Variants in HS3ST4 observed in about 807,000 individuals in gnomAD.
HS3ST4 encodes heparan sulfate glucosamine 3-O-sulfotransferase 4.
In HS3ST4, 17 loss-of-function variants were observed where a neutral mutation model predicts 29.2. That is an observed-to-expected ratio of 0.58 (90% CI 0.40 to 0.87). HS3ST4 has a LOEUF of 0.87. HS3ST4 is among the 40% of genes least tolerant of loss of function. The pLI is 0.00. For missense variants in HS3ST4, 627 were observed against 634.5 expected, an observed-to-expected ratio of 0.99 and a Z score of 0.13; for synonymous variants, 314 against 285.7, an observed-to-expected ratio of 1.10 and a Z score of -1.00.
intron 1 of HS3ST4, among the ~76,000 whole-genome samples, chr16:25,901,523 T>C (rs778869996): frequency 3.3e-5 from 5 of 152,104 alleles, no homozygotes; most frequent in Admixed American, 3.3e-4. Context: ...ATGCAAAAAT[T>C]AGCCAGGCGT....
intron 1 of HS3ST4, among the ~76,000 whole-genome samples, chr16:25,868,558 A>T (rs1262072860): frequency 1.3e-5 from 2 of 152,230 alleles, no homozygotes; most frequent in Non-Finnish European, 2.9e-5. Context: ...AGAAGAAAAT[A>T]TTGTGTAAAC....
chr16:25,827,058 A>G (rs1233495396), intron 1 of HS3ST4, among the ~76,000 whole-genome samples: 1 of 152,222 alleles, frequency 6.6e-6, no homozygotes, highest in East Asian at 1.9e-4. Flanking sequence ...AGAAAATGGA[A>G]GTTAATAAGA....
At chr16:25,853,721 T>A (rs1347850893) in intron 1 of HS3ST4, among the ~76,000 whole-genome samples, 1 of 152,234 alleles carries the variant, frequency 6.6e-6, no homozygotes, top group African/African-American at 2.4e-5. Context: ...AAATCCCACT[T>A]CATCATGGTT....
chr16:25,806,468 A>G (rs1966992542), intron 1 of HS3ST4, among the ~76,000 whole-genome samples: 1 of 152,182 alleles, frequency 6.6e-6, no homozygotes, highest in African/African-American at 2.4e-5. Context: ...AGTGGGAGTT[A>G]CATCCACCAA....
chr16:25,885,626 T>G (rs1399118511), intron 1 of HS3ST4, among the ~76,000 whole-genome samples: 1 of 152,144 alleles, frequency 6.6e-6, no homozygotes, highest in African/African-American at 2.4e-5. Context: ...ATTCATTTGA[T>G]GGTCACCTTC....
chr16:26,120,371 A>G (rs185075669), intron 1 of HS3ST4, among the ~76,000 whole-genome samples: 1 of 152,330 alleles, frequency 6.6e-6, no homozygotes, highest in Non-Finnish European at 1.5e-5. Context: ...TACATCATTA[A>G]AGCTGAAGCT....
At chr16:25,736,944 G>A (rs1187730317) in intron 1 of HS3ST4, among the ~76,000 whole-genome samples, 1 of 152,090 alleles carries the variant, frequency 6.6e-6, no homozygotes. Context: ...CACTTCCTGG[G>A]TTCAAGGGAT....
At position 25,756,506 on chromosome 16, in the gene HS3ST4, T is replaced by C. The variant is rs60289480; in HGVS notation, c.734+63355T>C. On this transcript the variant is annotated intron_variant, in intron 1 of 1. Transcript: ENST00000331351. Reference sequence around the variant, plus strand: ...CAAGGGCAAGACTGACAATTTAGACTGTGCATGAAAGTGATGAATCACATG... The same window carrying C: ...CAAGGGCAAGACTGACAATTTAGACCGTGCATGAAAGTGATGAATCACATG... Among the ~76,000 whole-genome samples, 993 of 152,298 alleles carry C rather than the reference T, an allele frequency of 6.5e-3. 11 individuals are homozygous for C. The highest frequency in any genetic ancestry group is 0.023 in the African/African-American group (944 of 41,570).
intron 1 of HS3ST4, among the ~76,000 whole-genome samples, chr16:26,101,187 AC>A (rs2141796696): frequency 6.6e-6 from 1 of 151,124 alleles, no homozygotes; most frequent in South Asian, 2.1e-4. Context: ...TCTGCTCTCA[AC>A]CCTACTCCTT....
intron 1 of HS3ST4, among the ~76,000 whole-genome samples, chr16:25,903,103 A>G (rs766040930): frequency 2.0e-5 from 3 of 151,822 alleles, no homozygotes; most frequent in Non-Finnish European, 4.4e-5. Flanking sequence ...TAAAACATCC[A>G]TACTGGCTGG....
chr16:25,834,727 C>T (rs896687513), intron 1 of HS3ST4, among the ~76,000 whole-genome samples: 4 of 152,172 alleles, frequency 2.6e-5, no homozygotes, highest in African/African-American at 9.7e-5. Flanking sequence ...AGGTGGATCA[C>T]TTGAGGTCAG....
At chr16:25,751,253 G>A (rs966121784) in intron 1 of HS3ST4, among the ~76,000 whole-genome samples, 2 of 152,170 alleles carry the variant, frequency 1.3e-5, no homozygotes, top group African/African-American at 4.8e-5. Context: ...AAGTGCGTGT[G>A]TGCGGATGTG....
chr16:25,770,009 C>T (rs1320192957), intron 1 of HS3ST4, among the ~76,000 whole-genome samples: 1 of 152,094 alleles, frequency 6.6e-6, no homozygotes, highest in Non-Finnish European at 1.5e-5. Flanking sequence ...TTTTTTACCC[C>T]ACTTCTAAGT....
At chr16:25,899,663 G>C (rs572654216) in intron 1 of HS3ST4, among the ~76,000 whole-genome samples, 5 of 149,294 alleles carry the variant, frequency 3.3e-5, no homozygotes, top group Admixed American at 2.0e-4. Context: ...ATGCCACCAC[G>C]CTCAGCTATT....
chr16:25,823,407 C>T (rs182426628), intron 1 of HS3ST4, among the ~76,000 whole-genome samples: 1 of 152,232 alleles, frequency 6.6e-6, no homozygotes, highest in Non-Finnish European at 1.5e-5. Flanking sequence ...GGAGGAAGCA[C>T]CCCCAGGTAA....
At chr16:25,764,156 T>A (rs762365853) in intron 1 of HS3ST4, among the ~76,000 whole-genome samples, 80 of 152,098 alleles carry the variant, frequency 5.3e-4, no homozygotes, top group Non-Finnish European at 9.9e-4. Context: ...GGGAAGATGA[T>A]GGATTCTCCT....
At chr16:25,836,416 A>G (rs1266100798) in intron 1 of HS3ST4, among the ~76,000 whole-genome samples, 2 of 152,212 alleles carry the variant, frequency 1.3e-5, no homozygotes, top group African/African-American at 4.8e-5. Context: ...CCCAATGGGT[A>G]ATTAAAATGA....
At chr16:25,919,387 G>A (rs541890982) in intron 1 of HS3ST4, among the ~76,000 whole-genome samples, 8 of 152,128 alleles carry the variant, frequency 5.3e-5, no homozygotes, top group African/African-American at 1.9e-4. Flanking sequence ...TAGGACATTG[G>A]GGGTGGGGGA....
intron 1 of HS3ST4, among the ~76,000 whole-genome samples, chr16:26,073,747 TC>T (rs1343225998): frequency 6.6e-6 from 1 of 152,184 alleles, no homozygotes; most frequent in Non-Finnish European, 1.5e-5. Flanking sequence ...TGCTATTCTG[TC>T]AAAGAGATAG....
Sources: gnomAD v4.1 joint callset for allele counts (sites outside exome capture counted in the v4.1 genomes callset) on GRCh38, gnomAD v4.1.1 for gene constraint, MANE v1.5 for transcripts, NCBI Gene and HGNC (gene_info 2026-07-23, HGNC 2026-07-21) for gene names.